Variants in TSPAN3 observed in about 807,000 individuals in gnomAD.
TSPAN3 encodes the protein tetraspanin-3.
A neutral mutation model predicts 31.1 loss-of-function variants in TSPAN3; 9 were observed. The observed-to-expected ratio is 0.29, with a 90% CI of 0.17 to 0.50. The LOEUF (loss-of-function observed/expected upper bound fraction) is 0.50. Among genes scored for constraint, TSPAN3 ranks in the 20% least tolerant of loss-of-function variants. The pLI is 0.98. For missense variants in TSPAN3, 252 were observed against 313.5 expected, an observed-to-expected ratio of 0.80 and a Z score of 1.48; for synonymous variants, 129 against 114.3, an observed-to-expected ratio of 1.13 and a Z score of -0.82.
intron 1 of TSPAN3, chr15:77,064,080 A>G (rs1159170836): frequency 6.6e-6 from 1 of 152,232 alleles, no homozygotes; most frequent in Non-Finnish European, 1.5e-5. Flanking sequence ...CCTTTAGTAG[A>G]TTACAAACTA....
At chr15:77,049,840 T>A (rs889047285) in intron 6 of TSPAN3, among the ~76,000 whole-genome samples, 29 of 152,344 alleles carry the variant, frequency 1.9e-4, no homozygotes, top group African/African-American at 6.7e-4. Context: ...TCTGCCATCT[T>A]ACCTCTGTAT....
chr15:77,055,465 G>A (rs1238752295), intron 3 of TSPAN3: 2 of 202,554 alleles, frequency 9.9e-6, no homozygotes, highest in African/African-American at 4.7e-5. Context: ...TTCTTCTAAA[G>A]CAGAAATCAG....
intron 1 of TSPAN3, among the ~76,000 whole-genome samples, chr15:77,068,767 G>A (rs1375965999): frequency 1.3e-5 from 2 of 152,206 alleles, no homozygotes. Context: ...TCAGTTTGTT[G>A]AGGATGATGG....
intron 4 of TSPAN3, among the ~76,000 whole-genome samples, chr15:77,053,947 G>C (rs1031823071): frequency 1.3e-5 from 2 of 152,096 alleles, no homozygotes; most frequent in African/African-American, 4.8e-5. Flanking sequence ...AGTACAGACT[G>C]GGGTCAGGGA....
rs2152695663 is a variant in TSPAN3 at position 77,052,393 on chromosome 15, C to T, written c.661G>A (p.Ala221Thr). Reference sequence around the variant, plus strand: ...TGGCAAGCTGTGCTTACCTGAATAGCTGCAAATGCCAGTGCGGCCCAGATC... The same window carrying T: ...TGGCAAGCTGTGCTTACCTGAATAGTTGCAAATGCCAGTGCGGCCCAGATC... ...HVIWAALAFA[A>T]IQLLGMLCAC... Residue 221 changes from alanine to threonine, a missense_variant, in exon 6 of 7, where the codon GCT (alanine) becomes ACT (threonine). By Grantham distance (58) the Ala-to-Thr change is moderately conservative. Transcript: ENST00000267970. The T allele has an allele frequency of 6.2e-7, 1 of 1,614,198 alleles. No individual in the cohort carries two copies. The highest frequency in any genetic ancestry group is 8.5e-7 in the Non-Finnish European group (1 of 1,180,022).
intron 1 of TSPAN3, among the ~76,000 whole-genome samples, chr15:77,056,589 G>A (rs2076770264): frequency 6.6e-6 from 1 of 152,046 alleles, no homozygotes; most frequent in Non-Finnish European, 1.5e-5. Flanking sequence ...TATGGTGGTA[G>A]GGGGATCTTT....
rs2076690713 is a variant in TSPAN3, at chr15:77,046,335, C to T, written c.*500G>A. ...TACAATCTATTTTAGTCATTTTGTA[C>T]AGCTGCTATCTTATTGGACTACAGT... On this transcript the variant is annotated 3_prime_UTR_variant, in exon 7 of 7. Coordinates refer to ENST00000267970, the MANE Select transcript of TSPAN3 (RefSeq NM_005724.6). 2 of 400,672 alleles carry T rather than the reference C, an allele frequency of 5.0e-6. No homozygotes were observed. Among genetic ancestry groups the T allele is most frequent in the South Asian group, 2.5e-4 (2 of 8,006 alleles). 24.8% of individuals were successfully genotyped at this position (400,672 alleles called of 1,614,324 possible). A position where few individuals can be genotyped will look rare whatever the true frequency, so the allele number is the denominator to read the frequency against.
rs11550565 is a variant in TSPAN3 at position 77,046,806 on chromosome 15, G to C, written c.*29C>G. 1 of 1,539,054 alleles carries C rather than the reference G, an allele frequency of 6.5e-7. No individual in the cohort carries two copies. Among genetic ancestry groups the C allele is most frequent in the Non-Finnish European group, 8.9e-7 (1 of 1,128,688 alleles). On this transcript the variant is annotated 3_prime_UTR_variant, in exon 7 of 7. Transcript: ENST00000267970. Reference sequence around the variant, plus strand: ...CAATTCACCTTCCAAATCAGAACAAGACCAAAAAGCTCAGGCTTGAGTTGT... The same window carrying C: ...CAATTCACCTTCCAAATCAGAACAACACCAAAAAGCTCAGGCTTGAGTTGT...
chr15:77,053,716 G>A lies in TSPAN3; in HGVS notation c.432+462C>T, dbSNP rs921081026. ...AAGTTGATATTACTGAGGCAAGGTC[G>A]GGGTGCAAACATCTATTACACTATT... On this transcript the variant is annotated intron_variant, in intron 4 of 6. Coordinates refer to ENST00000267970, the MANE Select transcript of TSPAN3 (RefSeq NM_005724.6). 1.6e-4 allele frequency among the ~76,000 whole-genome samples: 25 copies of A among 152,184 alleles called. No homozygotes were observed. In the East Asian group the frequency reaches 4.4e-3, roughly 27 times the overall value.
In TSPAN3 at chr15:77,052,943, G is replaced by A; in HGVS notation, c.433-14C>T. On this transcript the variant is annotated splice_polypyrimidine_tract_variant and intron_variant, in intron 4 of 6. Transcript: ENST00000267970. ...ACAACAATGCAGCTAAAGGAGAAGA[G>A]AATAAGTATTATTTCTCACAAAAAC... 1.2e-6 allele frequency: 2 copies of A among 1,604,386 alleles called. No homozygotes were observed. Among genetic ancestry groups the A allele is most frequent in the South Asian group, 1.1e-5 (1 of 90,394 alleles).
intron 5 of TSPAN3, 85 bp downstream of exon 5, chr15:77,052,692 G>A (rs937124981): frequency 4.8e-6 from 7 of 1,449,098 alleles, no homozygotes; most frequent in East Asian, 2.3e-5. Flanking sequence ...AAGCAAGGTG[G>A]CAGAAAAGAA....
rs577027506 is a variant in TSPAN3 at position 77,042,791 on chromosome 15, T to C, written c.*4044A>G. ...GAAGAGTCTCATGAGGAACAGGGTA[T>C]GTACATGGAGACAGTGTGTCTCCAG... On this transcript the variant is annotated 3_prime_UTR_variant, in exon 7 of 7. Coordinates refer to ENST00000267970, the MANE Select transcript of TSPAN3 (RefSeq NM_005724.6). 1 of 152,018 alleles carries C rather than the reference T, an allele frequency of 6.6e-6. No homozygotes were observed. Among genetic ancestry groups the C allele is most frequent in the African/African-American group, 2.4e-5 (1 of 41,374 alleles). 9.4% of individuals were successfully genotyped at this position (152,018 alleles called of 1,614,324 possible).
chr15:77,056,349 T>C (rs951083418), intron 1 of TSPAN3, 94 bp from the exon 2 acceptor site: 5 of 975,668 alleles, frequency 5.1e-6, no homozygotes. Context: ...AGAGTTACCG[T>C]AACTGTTATA....
rs1041090443 is a variant in TSPAN3, at chr15:77,042,517, G to A, written c.*4318C>T. ...GCTGGGATATAGGAGGCACTCGAAG[G>A]GGCTCTCGCTGGCCAAGTCGGGAAC... On this transcript the variant is annotated 3_prime_UTR_variant, in exon 7 of 7. Transcript: ENST00000267970. 3 of 152,148 alleles carry A rather than the reference G, an allele frequency of 2.0e-5. No homozygotes were observed. The highest frequency in any genetic ancestry group is 7.2e-5 in the African/African-American group (3 of 41,428). The allele number at this position is 152,148 out of a possible 1,614,324, so 9.4% of individuals were successfully genotyped here.
chr15:77,063,668 T>C (rs549742891), intron 1 of TSPAN3: 2 of 152,222 alleles, frequency 1.3e-5, no homozygotes, highest in Non-Finnish European at 2.9e-5. Flanking sequence ...TTTTCACCTT[T>C]TCTCTATTTG....
intron 1 of TSPAN3, among the ~76,000 whole-genome samples, chr15:77,056,502 A>G (rs983834230): frequency 6.6e-6 from 1 of 152,062 alleles, no homozygotes; most frequent in African/African-American, 2.4e-5. Flanking sequence ...TAACCAAATA[A>G]TAACAATGAT....
intron 2 of TSPAN3, 23 bp from the exon 3 acceptor site, chr15:77,055,886 A>G (rs746276424): frequency 6.3e-7 from 1 of 1,583,150 alleles, no homozygotes; most frequent in Non-Finnish European, 8.5e-7. Context: ...ATGGTTTAAA[A>G]TTATATACAA....
intron 6 of TSPAN3, 65 bp from the exon 7 acceptor site, chr15:77,046,992 C>A: frequency 1.5e-6 from 2 of 1,333,808 alleles, no homozygotes; most frequent in Non-Finnish European, 2.1e-6. Context: ...GTGTGTATTT[C>A]TTTGTTGGTA....
chr15:77,050,744 G>A (rs1219442923), intron 6 of TSPAN3, among the ~76,000 whole-genome samples: 3 of 152,190 alleles, frequency 2.0e-5, no homozygotes, highest in African/African-American at 7.2e-5. Flanking sequence ...CTAAATGAAT[G>A]TGTTTGCATA....
Sources: allele counts gnomAD v4.1 joint callset (sites outside exome capture counted in the v4.1 genomes callset), GRCh38; gene constraint gnomAD v4.1.1; transcripts MANE v1.5; gene names NCBI Gene and HGNC (gene_info 2026-07-23, HGNC 2026-07-21).